Variants in SIPA1L2 observed in about 807,000 individuals in gnomAD.
SIPA1L2 encodes the protein signal induced proliferation associated 1 like 2.
SIPA1L2 carries 56 observed loss-of-function variants against 163.9 expected under a neutral mutation model. The ratio of observed to expected loss-of-function variants is 0.34; its 90% confidence interval spans 0.28 to 0.43. The LOEUF (loss-of-function observed/expected upper bound fraction) is 0.43, where lower values mean the gene tolerates loss of function less well. Among genes scored for constraint, SIPA1L2 ranks in the 20% least tolerant of loss-of-function variants. The pLI is 1.00. For synonymous variants in SIPA1L2, 877 were observed against 865.7 expected, an observed-to-expected ratio of 1.01 and a Z score of -0.23; for missense variants, 1,974 against 2,193.5, an observed-to-expected ratio of 0.90 and a Z score of 2.00.
intron 2 of SIPA1L2, among the ~76,000 whole-genome samples, chr1:232,545,725 C>T (rs540204914): frequency 2.6e-5 from 4 of 152,214 alleles, no homozygotes; most frequent in East Asian, 1.9e-4. Flanking sequence ...TTTTCTAATT[C>T]GCATATAATT....
chr1:232,548,837 G>C (rs1213308174), intron 2 of SIPA1L2, among the ~76,000 whole-genome samples: 1 of 152,114 alleles, frequency 6.6e-6, no homozygotes, highest in South Asian at 2.1e-4. Context: ...CGCAGCCTAC[G>C]CAAAGACATG....
At chr1:232,590,232 G>A (rs973204307) in intron 1 of SIPA1L2, among the ~76,000 whole-genome samples, 3 of 152,052 alleles carry the variant, frequency 2.0e-5, no homozygotes, top group African/African-American at 4.8e-5. Context: ...GCCCTCCCAC[G>A]CAGGCTACAC....
At chr1:232,433,102 A>G (rs947125585) in intron 15 of SIPA1L2, among the ~76,000 whole-genome samples, 4 of 152,218 alleles carry the variant, frequency 2.6e-5, no homozygotes, top group Admixed American at 6.5e-5. Flanking sequence ...AACATGGAAC[A>G]ATGTTGATTA....
At chr1:232,586,300 C>G (rs1266448928) in intron 1 of SIPA1L2, among the ~76,000 whole-genome samples, 1 of 152,194 alleles carries the variant, frequency 6.6e-6, no homozygotes, top group Non-Finnish European at 1.5e-5. Context: ...AGGTTTCACA[C>G]ATCCACATCC....
At chr1:232,420,778 T>C (rs977369756) in intron 18 of SIPA1L2, among the ~76,000 whole-genome samples, 2 of 152,074 alleles carry the variant, frequency 1.3e-5, no homozygotes, top group Non-Finnish European at 2.9e-5. Context: ...GAGCTTGCAG[T>C]GAGCCGAGAT....
chr1:232,491,937 C>T (rs1414657327), intron 4 of SIPA1L2, among the ~76,000 whole-genome samples: 1 of 152,170 alleles, frequency 6.6e-6, no homozygotes, highest in Non-Finnish European at 1.5e-5. Flanking sequence ...CTCGAAATCA[C>T]TAATGTCACT....
At chr1:232,466,786 G>A (rs1368088536) in intron 8 of SIPA1L2, among the ~76,000 whole-genome samples, 4 of 152,050 alleles carry the variant, frequency 2.6e-5, no homozygotes, top group Non-Finnish European at 5.9e-5. Flanking sequence ...GCAAGACTCC[G>A]TCTCAAAAAA....
chr1:232,470,646 T>C (rs1216870248), intron 8 of SIPA1L2, among the ~76,000 whole-genome samples: 1 of 152,226 alleles, frequency 6.6e-6, no homozygotes, highest in Non-Finnish European at 1.5e-5. Context: ...GTGTTTTACA[T>C]AATTTAAGCT....
rs1572977037 is a variant in SIPA1L2, at chr1:232,491,180, G to C, written c.1618-118C>G. The C allele has an allele frequency of 1.2e-5, 10 of 859,392 alleles. No individual in the cohort carries two copies. The East Asian group carries it at 2.7e-4, about 23-fold the overall frequency. 53.2% of individuals were successfully genotyped at this position (859,392 alleles called of 1,614,324 possible). A position where few individuals can be genotyped will look rare whatever the true frequency, so the allele number is the denominator to read the frequency against. ...AGAAGCAAGGCTCTTTCTGAGTGTAGTGAAAGGGGCGACAGTGTTCCATTT... is the reference window on the plus strand; with the variant it reads ...AGAAGCAAGGCTCTTTCTGAGTGTACTGAAAGGGGCGACAGTGTTCCATTT... On this transcript the variant is annotated intron_variant, in intron 4 of 22. Coordinates refer to ENST00000674635, the MANE Select transcript of SIPA1L2 (RefSeq NM_020808.5).
In SIPA1L2 at chr1:232,563,792, G is replaced by A. The variant is rs976896003; in HGVS notation, c.-270+10382C>T. ...TGCAGTGGCATGATCTCCGCTTCCTGCAGCCTCTGCCTCCCGGGTTCAAGC... is the reference window on the plus strand; with the variant it reads ...TGCAGTGGCATGATCTCCGCTTCCTACAGCCTCTGCCTCCCGGGTTCAAGC... On this transcript the variant is annotated intron_variant, in intron 2 of 22. Coordinates refer to ENST00000674635, the MANE Select transcript of SIPA1L2 (RefSeq NM_020808.5). Among the ~76,000 whole-genome samples the A allele has an allele frequency of 2.0e-5, 3 of 152,152 alleles. No individual in the cohort carries two copies. The East Asian group carries it at 5.8e-4, about 29-fold the overall frequency.
At chr1:232,495,258 C>G (rs1666121973) in intron 3 of SIPA1L2, among the ~76,000 whole-genome samples, 1 of 152,108 alleles carries the variant, frequency 6.6e-6, no homozygotes, top group African/African-American at 2.4e-5. Flanking sequence ...AGCAAGTAAA[C>G]TATTTTAAAA....
At chr1:232,441,155 T>G in intron 14 of SIPA1L2, 136 bp downstream of exon 14, 2 of 650,944 alleles carry the variant, frequency 3.1e-6, no homozygotes, top group Admixed American at 3.1e-5. Flanking sequence ...GATAGTTTCC[T>G]TTTTTAACCT....
rs887172979 is a variant in SIPA1L2, at chr1:232,465,603, T to C, written c.2244-187A>G. ...ATTCTGCAAGTTCTTGTTCTCCTAA[T>C]TGCTGCATACCCAGGGTTTGTTGTT... On this transcript the variant is annotated intron_variant, in intron 8 of 22. Coordinates refer to ENST00000674635, the MANE Select transcript of SIPA1L2 (RefSeq NM_020808.5). This position sits in a 1 kb window ranked among gnomAD's most constrained non-coding sequence, Gnocchi z 4.1. Among the ~76,000 whole-genome samples the C allele has an allele frequency of 1.3e-5, 2 of 152,054 alleles. No homozygotes were observed. Among genetic ancestry groups the C allele is most frequent in the Non-Finnish European group, 2.9e-5 (2 of 68,000 alleles).
chr1:232,585,432 G>A (rs992936337), intron 1 of SIPA1L2, among the ~76,000 whole-genome samples: 1 of 152,150 alleles, frequency 6.6e-6, no homozygotes, highest in Non-Finnish European at 1.5e-5. Flanking sequence ...AAGCACAGAT[G>A]AAGACCTACA....
At chr1:232,499,561 G>A (rs1362716444) in intron 3 of SIPA1L2, among the ~76,000 whole-genome samples, 1 of 152,244 alleles carries the variant, frequency 6.6e-6, no homozygotes, top group South Asian at 2.1e-4. Flanking sequence ...GCTGGTTCAT[G>A]AGGTTTAAGG....
chr1:232,490,721 A>T, intron 5 of SIPA1L2, 153 bp downstream of exon 5: 1 of 774,150 alleles, frequency 1.3e-6, no homozygotes, highest in Non-Finnish European at 2.0e-6. Flanking sequence ...TTTCCAAACT[A>T]GTATAAAAAC....
intron 2 of SIPA1L2, among the ~76,000 whole-genome samples, chr1:232,516,163 T>C (rs16857513): frequency 0.015 from 2,301 of 152,330 alleles, 57 homozygotes; most frequent in African/African-American, 0.052. Context: ...CACAGCAAAA[T>C]GGTCAATACA....
intron 1 of SIPA1L2, among the ~76,000 whole-genome samples, chr1:232,586,659 T>A (rs74146164): frequency 0.011 from 1,713 of 152,366 alleles, 38 homozygotes; most frequent in African/African-American, 0.038. Flanking sequence ...AAGATATTCT[T>A]CTAGGCATGA....
At chr1:232,536,616 CGGACTGG>C (rs1304546903) in intron 2 of SIPA1L2, among the ~76,000 whole-genome samples, 2 of 152,268 alleles carry the variant, frequency 1.3e-5, no homozygotes, top group East Asian at 3.9e-4. Context: ...AATCTGTCAA[CGGACTGG>C]TGAAAAAGAG....
Sources: allele counts gnomAD v4.1 joint callset (sites outside exome capture counted in the v4.1 genomes callset), GRCh38; gene constraint gnomAD v4.1.1; non-coding constraint Gnocchi (gnomAD v3.1); transcripts MANE v1.5; gene names NCBI Gene and HGNC (gene_info 2026-07-23, HGNC 2026-07-21).